NOTCH2: variants seen among roughly 807,000 people sequenced by gnomAD.
The protein encoded by NOTCH2 is notch receptor 2, also known as neurogenic locus notch homolog protein 2.
Under a neutral mutation model 235.8 loss-of-function variants are expected in NOTCH2, and 29 were observed. The observed-to-expected ratio is 0.12, with a 90% CI of 0.09 to 0.17. NOTCH2 has a LOEUF of 0.17. NOTCH2 is among the 10% of genes least tolerant of loss of function. The pLI, the probability that NOTCH2 is intolerant of heterozygous loss-of-function variation, is 1.00. For missense variants in NOTCH2, 2,285 were observed against 3,150.2 expected (o/e 0.73, Z 6.57); for synonymous variants, 1,086 against 1,141.5 (o/e 0.95, Z 0.98).
rs587746014 is a variant in NOTCH2, at chr1:119,916,746, T to C, written c.6028-52A>G. 67 of 1,571,116 alleles carry C rather than the reference T, an allele frequency of 4.3e-5. 1 individual carries two copies. Among genetic ancestry groups the C allele is most frequent in the Middle Eastern group, 3.3e-4 (2 of 5,996 alleles). On this transcript the variant is annotated intron_variant, in intron 33 of 33. Transcript: ENST00000256646. ...CATGTTAATAACACTCTTGAGAATA[T>C]AGCAGTTTTTCTCAATCTTTTTTAT...
At chr1:120,048,390 G>A (rs1654884012) in intron 1 of NOTCH2, among the ~76,000 whole-genome samples, 1 of 136,034 alleles carries the variant, frequency 7.4e-6, no homozygotes, top group East Asian at 2.0e-4. Context: ...AAAAAACAAT[G>A]GACTAAAGCA....
intron 18 of NOTCH2, 119 bp from the exon 19 acceptor site, chr1:119,940,875 C>T (rs1650040934): frequency 2.3e-6 from 2 of 870,764 alleles, no homozygotes; most frequent in African/African-American, 1.7e-5. Flanking sequence ...CAACCCATAT[C>T]CCTTAAACTT....
intron 10 of NOTCH2, among the ~76,000 whole-genome samples, chr1:119,964,989 T>G (rs1651081647): frequency 6.6e-6 from 1 of 152,254 alleles, no homozygotes. Flanking sequence ...ATTTACACAC[T>G]TGACTCTCAA....
At chr1:119,948,605 A>G in intron 16 of NOTCH2, 39 bp from the exon 17 acceptor site, 1 of 1,613,278 alleles carries the variant, frequency 6.2e-7, no homozygotes, top group Non-Finnish European at 8.5e-7. Context: ...AGTCCTTGGA[A>G]GCTGATTCCC....
intron 17 of NOTCH2, among the ~76,000 whole-genome samples, chr1:119,947,087 A>G (rs371339633): frequency 6.6e-5 from 10 of 152,294 alleles, no homozygotes; most frequent in Admixed American, 3.3e-4. Flanking sequence ...AACTTTTAGA[A>G]GAAACCACAG....
chr1:120,000,186 A>C (rs1326604001), intron 3 of NOTCH2, among the ~76,000 whole-genome samples: 2 of 152,000 alleles, frequency 1.3e-5, no homozygotes, highest in Admixed American at 6.5e-5. Context: ...CAAAAGGATG[A>C]CTTTGATCTG....
At chr1:119,959,222 T>G (rs587624572) in intron 12 of NOTCH2, among the ~76,000 whole-genome samples, 170 bp downstream of exon 12, 1 of 152,222 alleles carries the variant, frequency 6.6e-6, no homozygotes, top group Non-Finnish European at 1.5e-5. Context: ...TGTTTCAGTT[T>G]AGAAAAGGTC....
Position 119,925,409 on chromosome 1 carries a change from T to G in NOTCH2, c.4407A>C (p.Pro1469=), listed in dbSNP as rs766991231. 13 of 1,613,778 alleles carry G rather than the reference T, an allele frequency of 8.1e-6. No homozygotes were observed. In the East Asian group the frequency reaches 2.9e-4, roughly 36 times the overall value. The change falls in exon 25 of 34, where the codon CCA becomes CCC. Residue 1469 remains proline, a synonymous_variant. Transcript: ENST00000256646. ...TGTTGATATAATCCCAGCAGGGAAG[T>G]GGGGAGGAGCAGTTGGCCCAGGGGT... ...MENPWANCSS[P]LPCWDYINNQ...
chr1:120,068,855 C>T (rs1553217600), intron 1 of NOTCH2: 14 of 550,666 alleles, frequency 2.5e-5, no homozygotes, highest in Non-Finnish European at 6.3e-6. Flanking sequence ...ATGTGCCGCC[C>T]CCTGGCAAAG....
chr1:119,978,275 AGAAATGCATTAGGG>A (rs1553201203), intron 5 of NOTCH2, among the ~76,000 whole-genome samples: 1 of 152,188 alleles, frequency 6.6e-6, no homozygotes, highest in African/African-American at 2.4e-5. Flanking sequence ...TTGAATTATA[AGAAATGCATTAGGG>A]GAGTGAAGAG....
chr1:120,013,998 C>G (rs1294104274), intron 2 of NOTCH2, among the ~76,000 whole-genome samples: 3 of 148,690 alleles, frequency 2.0e-5, no homozygotes, highest in Non-Finnish European at 4.4e-5. Context: ...AAAAAATAAC[C>G]ACAAAAATCT....
Position 119,969,522 on chromosome 1 carries a change from T to A in NOTCH2, c.1097A>T (p.Glu366Val). Reference sequence around the variant, plus strand: ...CTTCTGCTACCTACCTGCCTTCCCCTCTGGGCACATGCAAGAGAAGGAGGC... The same window carrying A: ...CTTCTGCTACCTACCTGCCTTCCCCACTGGGCACATGCAAGAGAAGGAGGC... ...RVASFSCMCP[E>V]GKAGLLCHLD... Residue 366 changes from glutamate to valine, a missense_variant, in exon 6 of 34, where the codon GAG (glutamate) becomes GTG (valine). This residue lies in a region of NOTCH2 where 431 missense variants were observed against 757.8 expected (regional missense o/e 0.57). Coordinates refer to ENST00000256646, the MANE Select transcript of NOTCH2 (RefSeq NM_024408.4). The A allele has an allele frequency of 6.2e-7, 1 of 1,613,780 alleles. No homozygotes were observed. Among genetic ancestry groups the A allele is most frequent in the Non-Finnish European group, 8.5e-7 (1 of 1,179,902 alleles).
At chr1:119,979,600 T>C (rs1553201402) in intron 5 of NOTCH2, among the ~76,000 whole-genome samples, 3 of 152,164 alleles carry the variant, frequency 2.0e-5, no homozygotes, top group African/African-American at 7.2e-5. Context: ...AGCTAAAATG[T>C]TAATGAAAAT....
intron 4 of NOTCH2, chr1:119,995,660 A>G (rs1431369727): frequency 6.6e-6 from 1 of 152,256 alleles, no homozygotes; most frequent in Non-Finnish European, 1.5e-5. Context: ...CTAGAATGAT[A>G]GCATTATCTA....
intron 5 of NOTCH2, among the ~76,000 whole-genome samples, chr1:119,980,135 G>C (rs587666679): frequency 4.6e-5 from 7 of 152,204 alleles, no homozygotes; most frequent in African/African-American, 1.7e-4. Flanking sequence ...CAACCTTACA[G>C]ACCTCCGCAT....
At chr1:120,060,448 T>TA (rs1196451327) in intron 1 of NOTCH2, among the ~76,000 whole-genome samples, 4 of 146,452 alleles carry the variant, frequency 2.7e-5, no homozygotes, top group African/African-American at 1.0e-4. Flanking sequence ...GTTCATAAAC[T>TA]AAATATATAT....
chr1:119,970,823 C>T (rs187593688), intron 5 of NOTCH2, among the ~76,000 whole-genome samples: 424 of 152,232 alleles, frequency 2.8e-3, no homozygotes, highest in African/African-American at 9.2e-3. Flanking sequence ...TTAGATCATC[C>T]GAATTCTCTA....
At chr1:119,987,346 T>TA (rs1317662841) in intron 4 of NOTCH2, among the ~76,000 whole-genome samples, 1 of 152,126 alleles carries the variant, frequency 6.6e-6, no homozygotes, top group African/African-American at 2.4e-5. Context: ...TTTCATGAAA[T>TA]AAAATCCCAG....
chr1:119,931,984 GTATATATATATATA>G (rs57002170), intron 22 of NOTCH2, among the ~76,000 whole-genome samples: 1 of 141,810 alleles, frequency 7.1e-6, no homozygotes, highest in African/African-American at 2.6e-5. Flanking sequence ...ATATATGTGT[GTATATATATATATA>G]TGTATATATA....
Sources: allele counts gnomAD v4.1 joint callset (sites outside exome capture counted in the v4.1 genomes callset), GRCh38; gene constraint gnomAD v4.1.1; regional missense constraint gnomAD v4.1.1; transcripts MANE v1.5; gene names NCBI Gene and HGNC (gene_info 2026-07-23, HGNC 2026-07-21).